The following VAT1L variants were observed in gnomAD, a reference collection of about 807,000 sequenced individuals.
The protein encoded by VAT1L is vesicle amine transport 1 like, also known as putative NADPH-dependent quinone oxidoreductase VAT1L.
In VAT1L, 34 loss-of-function variants were observed where a neutral mutation model predicts 44.1. That is an observed-to-expected ratio of 0.77 (90% confidence interval 0.59 to 1.03). The LOEUF is 1.03. VAT1L is among the 50% of genes least tolerant of loss of function. VAT1L has a pLI of 0.00. For synonymous variants in VAT1L, 253 were observed against 202.2 expected (o/e 1.25, Z -2.13); for missense variants, 615 against 538.8 (o/e 1.14, Z -1.40).
At chr16:77,864,829 C>T (rs1567491710) in intron 4 of VAT1L, among the ~76,000 whole-genome samples, 1 of 152,048 alleles carries the variant, frequency 6.6e-6, no homozygotes, top group Non-Finnish European at 1.5e-5. Context: ...CCCAATAGTT[C>T]CAGCAGGATG....
intron 7 of VAT1L, among the ~76,000 whole-genome samples, chr16:77,922,295 G>A (rs2017620382): frequency 6.6e-6 from 1 of 152,012 alleles, no homozygotes; most frequent in Non-Finnish European, 1.5e-5. Flanking sequence ...GGAATTAAAA[G>A]GTACTCTGTT....
At chr16:77,799,542 TGTGTGTG>T (rs1158321802) in intron 1 of VAT1L, among the ~76,000 whole-genome samples, 1 of 88,910 alleles carries the variant, frequency 1.1e-5, no homozygotes, top group African/African-American at 3.4e-5. Flanking sequence ...TGTGTGTGTG[TGTGTGTG>T]TGTGTGTGGT....
chr16:77,893,754 A>G (rs563078230), intron 7 of VAT1L, among the ~76,000 whole-genome samples: 1 of 152,310 alleles, frequency 6.6e-6, no homozygotes, highest in East Asian at 1.9e-4. Flanking sequence ...CTCTAGAGAG[A>G]TTATACTTGC....
chr16:77,946,743 T>A (rs1002629131), intron 7 of VAT1L, among the ~76,000 whole-genome samples: 29 of 152,342 alleles, frequency 1.9e-4, no homozygotes, highest in African/African-American at 7.0e-4. Context: ...CTCCCCAACT[T>A]ACCAAACTCT....
chr16:77,809,833 T>C (rs549221663), intron 1 of VAT1L, among the ~76,000 whole-genome samples: 1 of 152,328 alleles, frequency 6.6e-6, no homozygotes, highest in African/African-American at 2.4e-5. Context: ...TAGTCTTGTG[T>C]TTTAAATTTC....
At chr16:77,802,172 TC>T (rs1375865621) in intron 1 of VAT1L, among the ~76,000 whole-genome samples, 1 of 152,196 alleles carries the variant, frequency 6.6e-6, no homozygotes, top group Non-Finnish European at 1.5e-5. Context: ...CTCCACAACT[TC>T]CTTTTGCATT....
intron 3 of VAT1L, among the ~76,000 whole-genome samples, chr16:77,830,834 C>A (rs2016571131): frequency 6.6e-6 from 1 of 152,180 alleles, no homozygotes; most frequent in Non-Finnish European, 1.5e-5. Context: ...CAGGCCCGAG[C>A]CACCATGCCC....
intron 7 of VAT1L, among the ~76,000 whole-genome samples, chr16:77,888,834 C>G (rs2017234816): frequency 6.6e-6 from 1 of 152,196 alleles, no homozygotes; most frequent in Non-Finnish European, 1.5e-5. Flanking sequence ...AGTCACCAGC[C>G]AGATAAAGGA....
At chr16:77,829,943 G>A (rs1397363286) in intron 3 of VAT1L, among the ~76,000 whole-genome samples, 1 of 152,150 alleles carries the variant, frequency 6.6e-6, no homozygotes, top group Non-Finnish European at 1.5e-5. Flanking sequence ...TTACAGAAGT[G>A]GAAGCTGAGG....
Position 77,907,890 on chromosome 16 carries a change from T to C in VAT1L, c.1077+23088T>C, listed in dbSNP as rs139225065. On this transcript the variant is annotated intron_variant, in intron 7 of 8. Coordinates refer to ENST00000302536, the MANE Select transcript of VAT1L (RefSeq NM_020927.3). Reference sequence around the variant, plus strand: ...AGTGCCTGTTTAGAGAGAATCATAATAAAAGCAGAGAGTAGCAGTGAAAGA... The same window carrying C: ...AGTGCCTGTTTAGAGAGAATCATAACAAAAGCAGAGAGTAGCAGTGAAAGA... 6.0e-4 allele frequency among the ~76,000 whole-genome samples: 91 copies of C among 152,212 alleles called. 1 individual carries two copies. Among genetic ancestry groups the C allele is most frequent in the African/African-American group, 2.1e-3 (87 of 41,528 alleles).
chr16:77,842,011 C>T (rs1352403243), intron 3 of VAT1L, among the ~76,000 whole-genome samples: 2 of 152,128 alleles, frequency 1.3e-5, no homozygotes, highest in Non-Finnish European at 2.9e-5. Flanking sequence ...CCTCAGCCTC[C>T]CGAGTAGCTG....
chr16:77,921,216 C>G (rs1337764773), intron 7 of VAT1L, among the ~76,000 whole-genome samples: 3 of 152,148 alleles, frequency 2.0e-5, no homozygotes, highest in African/African-American at 7.2e-5. Flanking sequence ...TCTTTCTTTC[C>G]AGCTGGAATA....
At chr16:77,920,130 C>T (rs968909624) in intron 7 of VAT1L, among the ~76,000 whole-genome samples, 9 of 152,110 alleles carry the variant, frequency 5.9e-5, no homozygotes, top group African/African-American at 2.2e-4. Flanking sequence ...AAACAAAATT[C>T]CAGAAGGAAA....
At chr16:77,964,988 C>T (rs1332052291) in intron 7 of VAT1L, among the ~76,000 whole-genome samples, 2 of 151,990 alleles carry the variant, frequency 1.3e-5, no homozygotes, top group Non-Finnish European at 2.9e-5. Flanking sequence ...CAGGGTTTCT[C>T]CATGTTGGTC....
chr16:77,972,431 C>T (rs2018290298), intron 8 of VAT1L, among the ~76,000 whole-genome samples: 1 of 152,164 alleles, frequency 6.6e-6, no homozygotes, highest in Non-Finnish European at 1.5e-5. Context: ...GATCCTCCCA[C>T]CTCAGCCTCT....
At chr16:77,840,698 T>C (rs781380596) in intron 3 of VAT1L, among the ~76,000 whole-genome samples, 6 of 152,028 alleles carry the variant, frequency 3.9e-5, no homozygotes, top group Non-Finnish European at 7.3e-5. Flanking sequence ...GGTAGGACAA[T>C]GCAGTGGTTA....
chr16:77,842,178 C>T (rs146025307), intron 3 of VAT1L, among the ~76,000 whole-genome samples: 7,963 of 152,168 alleles, frequency 0.052, 294 homozygotes, highest in Middle Eastern at 0.11. Flanking sequence ...TGAGCCACCG[C>T]GCCCAGTCTA....
chr16:77,959,840 A>C (rs2018142949), intron 7 of VAT1L, among the ~76,000 whole-genome samples: 1 of 152,192 alleles, frequency 6.6e-6, no homozygotes, highest in African/African-American at 2.4e-5. Context: ...ACATTCATGG[A>C]AACTCTTTGG....
intron 6 of VAT1L, among the ~76,000 whole-genome samples, chr16:77,881,043 G>A (rs561509744): frequency 6.6e-6 from 1 of 152,284 alleles, no homozygotes; most frequent in African/African-American, 2.4e-5. Context: ...ATTGTGAATA[G>A]AATGGCAATG....
Sources: allele counts gnomAD v4.1 joint callset (sites outside exome capture counted in the v4.1 genomes callset), GRCh38; gene constraint gnomAD v4.1.1; transcripts MANE v1.5; gene names NCBI Gene and HGNC (gene_info 2026-07-23, HGNC 2026-07-21).